Variants in ACSL1 observed in about 807,000 individuals in gnomAD.
The protein encoded by ACSL1 is acyl-CoA synthetase long chain family member 1.
In ACSL1, 41 loss-of-function variants were observed where a neutral mutation model predicts 98.4. The observed-to-expected ratio is 0.42, with a 90% CI of 0.32 to 0.54. The LOEUF is 0.54. ACSL1 is among the 20% of genes least tolerant of loss of function. The pLI, the probability that ACSL1 is intolerant of heterozygous loss-of-function variation, is 0.13. For missense variants in ACSL1, 734 were observed against 883.1 expected, an observed-to-expected ratio of 0.83 and a Z score of 2.14; for synonymous variants, 316 against 322.7, an observed-to-expected ratio of 0.98 and a Z score of 0.22.
intron 1 of ACSL1, among the ~76,000 whole-genome samples, chr4:184,809,263 G>C (rs758885915): frequency 2.6e-4 from 39 of 152,122 alleles, no homozygotes; most frequent in Non-Finnish European, 5.4e-4. Context: ...GAGACACAAA[G>C]CTTTGAACTG....
intron 1 of ACSL1, chr4:184,820,962 G>C (rs1464830238): frequency 4.4e-6 from 2 of 452,550 alleles, no homozygotes; most frequent in African/African-American, 4.0e-5. Flanking sequence ...TAGGAGCACA[G>C]ACCCTGAAGC....
At chr4:184,812,715 A>C (rs1772243270) in intron 1 of ACSL1, among the ~76,000 whole-genome samples, 1 of 152,210 alleles carries the variant, frequency 6.6e-6, no homozygotes, top group African/African-American at 2.4e-5. Context: ...CTGATGATTC[A>C]TTTAAAACAA....
intron 7 of ACSL1, 120 bp downstream of exon 7, chr4:184,776,364 C>A: frequency 2.7e-6 from 3 of 1,111,498 alleles, no homozygotes; most frequent in Non-Finnish European, 3.8e-6. Context: ...TCATGGGTTG[C>A]GGAGGCAACC....
intron 5 of ACSL1, among the ~76,000 whole-genome samples, chr4:184,779,306 C>T (rs2150343037): frequency 6.6e-6 from 1 of 152,248 alleles, no homozygotes; most frequent in East Asian, 1.9e-4. Flanking sequence ...TCAGGGGTTT[C>T]TGCTTTTGCT....
At position 184,771,873 on chromosome 4, in the gene ACSL1, T is replaced by C. The variant is rs2150315055; in HGVS notation, c.915+1208A>G. 1.3e-5 allele frequency among the ~76,000 whole-genome samples: 2 copies of C among 152,332 alleles called. 1 individual carries two copies. Among genetic ancestry groups the C allele is most frequent in the African/African-American group, 4.8e-5 (2 of 41,582 alleles). ...CACTGGATGTGGGCTGAGCATGCTA[T>C]AATCTCAGCTGGATTTTATTCAAGT... On this transcript the variant is annotated intron_variant, in intron 10 of 20. Coordinates refer to ENST00000281455, the MANE Select transcript of ACSL1 (RefSeq NM_001995.5).
At chr4:184,785,982 G>A (rs368310848) in intron 3 of ACSL1, among the ~76,000 whole-genome samples, 6 of 152,018 alleles carry the variant, frequency 3.9e-5, no homozygotes, top group Non-Finnish European at 5.9e-5. Context: ...GCATCTCTAC[G>A]GTCCTAGTGA....
chr4:184,770,259 A>G (rs528702077), intron 11 of ACSL1, 140 bp downstream of exon 11: 1 of 1,542,328 alleles, frequency 6.5e-7, no homozygotes, highest in Admixed American at 2.0e-5. Flanking sequence ...ACTTACCTTC[A>G]ATAACTGTTC....
Position 184,793,182 on chromosome 4 carries a change from A to G in ACSL1, c.196-4451T>C, listed in dbSNP as rs1428628702. On this transcript the variant is annotated intron_variant, in intron 2 of 20. Transcript: ENST00000281455. ...ATAGACCTCTTTAATGTGGTTACAT[A>G]GTGTTCCCAGTTAAAAAAAAAAAAA... Among the ~76,000 whole-genome samples, 129 of 136,776 alleles carry G rather than the reference A, an allele frequency of 9.4e-4. 1 individual carries two copies. Among genetic ancestry groups the G allele is most frequent in the Non-Finnish European group, 1.8e-3 (112 of 63,890 alleles). The allele number at this position is 136,776 out of a possible 152,430, so 89.7% of individuals were successfully genotyped here.
At chr4:184,798,127 G>A (rs1769777870) in intron 2 of ACSL1, among the ~76,000 whole-genome samples, 1 of 152,196 alleles carries the variant, frequency 6.6e-6, no homozygotes, top group Non-Finnish European at 1.5e-5. Flanking sequence ...CCAAGGAACT[G>A]GTTCTGTGTA....
chr4:184,816,992 A>G (rs1032574645), intron 1 of ACSL1, among the ~76,000 whole-genome samples: 2 of 152,192 alleles, frequency 1.3e-5, no homozygotes, highest in Non-Finnish European at 2.9e-5. Context: ...TATGCAAGTC[A>G]GCTCCAGCCT....
At chr4:184,807,709 A>G (rs1771608156) in intron 1 of ACSL1, among the ~76,000 whole-genome samples, 1 of 152,246 alleles carries the variant, frequency 6.6e-6, no homozygotes, top group Non-Finnish European at 1.5e-5. Context: ...AAATGCAATT[A>G]GCATTTACTT....
rs750214061 is a variant in ACSL1 at position 184,762,545 on chromosome 4, G to A, written c.1522-22C>T. 9 of 1,600,716 alleles carry A rather than the reference G, an allele frequency of 5.6e-6. No homozygotes were observed. In the South Asian group the frequency reaches 6.6e-5, roughly 12 times the overall value. On this transcript the variant is annotated intron_variant, in intron 16 of 20. Coordinates refer to ENST00000281455, the MANE Select transcript of ACSL1 (RefSeq NM_001995.5). ...ACACCTAAAGAAAAGAAGATCATCA[G>A]TGAACAGCATTTACTGGGGTTTTTC...
Position 184,788,745 on chromosome 4 carries a change from A to G in ACSL1, c.196-14T>C. 6.2e-7 allele frequency: 1 copy of G among 1,609,510 alleles called. No homozygotes were observed. The highest frequency in any genetic ancestry group is 8.5e-7 in the Non-Finnish European group (1 of 1,175,878). On this transcript the variant is annotated splice_polypyrimidine_tract_variant and intron_variant, in intron 2 of 20. Coordinates refer to ENST00000281455, the MANE Select transcript of ACSL1 (RefSeq NM_001995.5). ...ACCACCACTACCCTATCAAAAAAGA[A>G]AGGGGGGCAGGTTAGAAGGCAGTGA...
chr4:184,816,271 G>A (rs547011126), intron 1 of ACSL1, among the ~76,000 whole-genome samples: 120 of 152,234 alleles, frequency 7.9e-4, no homozygotes, highest in African/African-American at 2.8e-3. Flanking sequence ...GGTGTTGGAG[G>A]AAGCAACAAG....
Position 184,825,940 on chromosome 4 carries a change from C to G in ACSL1, c.-57G>C, listed in dbSNP as rs1408427548. On this transcript the variant is annotated 5_prime_UTR_variant, in exon 1 of 21. Transcript: ENST00000281455. The surrounding 1 kb of genome is among the most constrained non-coding windows in gnomAD (Gnocchi z 4.7). ...CCTCCTCCGTGGACCGGCCGCTCCG[C>G]CGCCGGCTGTCACTGCAGCCCACTC... 1.3e-5 allele frequency: 2 copies of G among 148,670 alleles called. No homozygotes were observed. The highest frequency in any genetic ancestry group is 2.4e-5 in the African/African-American group (1 of 41,216). The allele number at this position is 148,670 out of a possible 1,614,324, so 9.2% of individuals were successfully genotyped here.
chr4:184,779,874 C>CT (rs71591667), intron 5 of ACSL1, among the ~76,000 whole-genome samples: 10,033 of 141,294 alleles, frequency 0.071, 435 homozygotes, highest in Non-Finnish European at 0.1. Flanking sequence ...GTTTTCCTTT[C>CT]TTTTTTTTTT....
rs1263589370 is a variant in ACSL1, at chr4:184,756,847, C to G, written c.*278G>C. On this transcript the variant is annotated 3_prime_UTR_variant, in exon 21 of 21. Transcript: ENST00000281455. Reference sequence around the variant, plus strand: ...AACCCACTTTTTAAACTGAGGAAGTCTCAAATAACTTAGCACATTTATAGT... The same window carrying G: ...AACCCACTTTTTAAACTGAGGAAGTGTCAAATAACTTAGCACATTTATAGT... 2 of 284,590 alleles carry G rather than the reference C, an allele frequency of 7.0e-6. No individual in the cohort carries two copies. Among genetic ancestry groups the G allele is most frequent in the African/African-American group, 4.3e-5 (2 of 46,124 alleles). 17.6% of individuals were successfully genotyped at this position (284,590 alleles called of 1,614,324 possible).
intron 1 of ACSL1, among the ~76,000 whole-genome samples, chr4:184,816,562 A>G (rs1304071344): frequency 2.0e-5 from 3 of 152,176 alleles, no homozygotes; most frequent in Admixed American, 6.6e-5. Flanking sequence ...GGGTCTCTAT[A>G]TTCCCTTTAT....
At chr4:184,778,546 A>G (rs1765683099) in intron 5 of ACSL1, among the ~76,000 whole-genome samples, 1 of 152,092 alleles carries the variant, frequency 6.6e-6, no homozygotes, top group African/African-American at 2.4e-5. Flanking sequence ...ACCTCCAGGG[A>G]GCCCTCCTTG....
Sources: allele counts gnomAD v4.1 joint callset (sites outside exome capture counted in the v4.1 genomes callset), GRCh38; gene constraint gnomAD v4.1.1; non-coding constraint Gnocchi (gnomAD v3.1); transcripts MANE v1.5; gene names NCBI Gene and HGNC (gene_info 2026-07-23, HGNC 2026-07-21).